Variants in IMPA2 observed in about 807,000 individuals in gnomAD.
IMPA2 encodes inositol monophosphatase 2.
Under a neutral mutation model 35.1 loss-of-function variants are expected in IMPA2, and 32 were observed. That is an observed-to-expected ratio of 0.91 (90% CI 0.69 to 1.23). The LOEUF (loss-of-function observed/expected upper bound fraction) is 1.23, where lower values mean the gene tolerates loss of function less well. Ranked by LOEUF, IMPA2 falls within the 50% of genes most tolerant of loss-of-function variation. The pLI, the probability that IMPA2 is intolerant of heterozygous loss-of-function variation, is 0.00. For missense variants in IMPA2, 334 were observed against 387.6 expected, an observed-to-expected ratio of 0.86 and a Z score of 1.16; for synonymous variants, 135 against 160.6, an observed-to-expected ratio of 0.84 and a Z score of 1.20.
chr18:11,998,078 G>A (rs897581299), intron 1 of IMPA2, among the ~76,000 whole-genome samples: 12 of 152,280 alleles, frequency 7.9e-5, no homozygotes, highest in African/African-American at 2.9e-4. Context: ...GAGGTGGGAG[G>A]ATCACTTGAG....
chr18:12,012,054 A>G (rs1386903240), intron 3 of IMPA2, 116 bp from the exon 4 acceptor site: 16 of 825,414 alleles, frequency 1.9e-5, no homozygotes, highest in Non-Finnish European at 3.2e-5. Flanking sequence ...TAAACAACCA[A>G]CCCACCCAGA....
intron 6 of IMPA2, chr18:12,028,422 A>G (rs556293591): frequency 4.0e-6 from 2 of 497,060 alleles, no homozygotes; most frequent in African/African-American, 1.9e-5. Flanking sequence ...GAATGGTGCA[A>G]ATACTTACAG....
chr18:12,026,798 G>C (rs1907892408), intron 5 of IMPA2, among the ~76,000 whole-genome samples: 1 of 152,212 alleles, frequency 6.6e-6, no homozygotes, highest in African/African-American at 2.4e-5. Context: ...GGCTCAGGTG[G>C]TATCTGTGGA....
chr18:12,008,223 T>C, intron 2 of IMPA2: 1 of 456,666 alleles, frequency 2.2e-6, no homozygotes, highest in Non-Finnish European at 4.4e-6. Context: ...CTCGAACTCC[T>C]GACCTCAGGT....
In IMPA2 at chr18:12,030,502, T is replaced by C. The variant is rs201928073; in HGVS notation, c.*44T>C. 2.4e-5 allele frequency: 37 copies of C among 1,515,772 alleles called. No individual in the cohort carries two copies. In the East Asian group the frequency reaches 7.9e-4, roughly 32 times the overall value. 93.9% of individuals were successfully genotyped at this position (1,515,772 alleles called of 1,614,324 possible). A position where few individuals can be genotyped will look rare whatever the true frequency, so the allele number is the denominator to read the frequency against. ...TGCTCCCAAGGCCTCCCTGGGCTGCTGTGGGCTCCTGGGGAGGTGGCCCTC... is the reference window on the plus strand; with the variant it reads ...TGCTCCCAAGGCCTCCCTGGGCTGCCGTGGGCTCCTGGGGAGGTGGCCCTC... On this transcript the variant is annotated 3_prime_UTR_variant, in exon 8 of 8. Coordinates refer to ENST00000269159, the MANE Select transcript of IMPA2 (RefSeq NM_014214.3).
chr18:12,021,380 C>A (rs1907724417), intron 5 of IMPA2, among the ~76,000 whole-genome samples: 1 of 148,376 alleles, frequency 6.7e-6, no homozygotes, highest in South Asian at 2.1e-4. Context: ...CAGAGCAAGA[C>A]CCTGTCTCAG....
At chr18:12,021,748 C>T (rs1197065235) in intron 5 of IMPA2, 1 of 152,198 alleles carries the variant, frequency 6.6e-6, no homozygotes, top group East Asian at 1.9e-4. Flanking sequence ...AAGTCCTGAC[C>T]TCAAAGCGAT....
intron 2 of IMPA2, 86 bp downstream of exon 2, chr18:11,999,273 G>C (rs1434807231): frequency 1.5e-6 from 2 of 1,355,240 alleles, no homozygotes; most frequent in Non-Finnish European, 2.0e-6. Flanking sequence ...AGGGGGCTCT[G>C]CTGTTTGTTG....
intron 2 of IMPA2, among the ~76,000 whole-genome samples, chr18:12,001,444 G>A (rs895457776): frequency 3.3e-5 from 5 of 152,084 alleles, no homozygotes; most frequent in Admixed American, 3.3e-4. Context: ...AAGGCTTGGA[G>A]GAGATGCAGG....
intron 5 of IMPA2, among the ~76,000 whole-genome samples, chr18:12,018,872 T>C (rs1389003161): frequency 6.6e-6 from 1 of 152,208 alleles, no homozygotes; most frequent in African/African-American, 2.4e-5. Flanking sequence ...TTGACCACAC[T>C]GGAGTGCAAT....
chr18:11,984,116 G>A (rs1430498140), intron 1 of IMPA2, among the ~76,000 whole-genome samples: 1 of 152,154 alleles, frequency 6.6e-6, no homozygotes, highest in African/African-American at 2.4e-5. Flanking sequence ...AGAGATAAAG[G>A]TGCACTGTCC....
Position 12,010,095 on chromosome 18 carries a change from C to A in IMPA2, c.335+108C>A, listed in dbSNP as rs538303354. On this transcript the variant is annotated intron_variant, in intron 3 of 7. Coordinates refer to ENST00000269159, the MANE Select transcript of IMPA2 (RefSeq NM_014214.3). This position sits in a 1 kb window ranked among gnomAD's most constrained non-coding sequence, Gnocchi z 4.8. ...TTTAAGGCAGGAATATATAAACAAA[C>A]CTATAGTACACTCATAGTCTCATCA... 2 of 732,304 alleles carry A rather than the reference C, an allele frequency of 2.7e-6. No individual in the cohort carries two copies. Among genetic ancestry groups the A allele is most frequent in the East Asian group, 5.1e-5 (2 of 39,016 alleles). The allele number at this position is 732,304 out of a possible 1,614,324, so 45.4% of individuals were successfully genotyped here. A position where few individuals can be genotyped will look rare whatever the true frequency, so the allele number is the denominator to read the frequency against.
At chr18:11,999,394 C>G (rs969757024) in intron 2 of IMPA2, among the ~76,000 whole-genome samples, 2 of 152,222 alleles carry the variant, frequency 1.3e-5, no homozygotes, top group African/African-American at 4.8e-5. Context: ...TCTTAACAAC[C>G]ATCACGTCAA....
intron 2 of IMPA2, among the ~76,000 whole-genome samples, chr18:12,007,673 T>TTCTTTCTTTCTTTCTTTCTTTCTC (rs1907311062): frequency 7.4e-6 from 1 of 134,672 alleles, no homozygotes; most frequent in Admixed American, 7.9e-5. Context: ...CTTTCTTTCT[T>TTCTTTCTTTCTTTCTTTCTTTCTC]TCTTTCCTTT....
intron 5 of IMPA2, among the ~76,000 whole-genome samples, chr18:12,026,225 G>T (rs938900764): frequency 6.6e-6 from 1 of 151,666 alleles, no homozygotes; most frequent in South Asian, 2.1e-4. Flanking sequence ...TAGAGATGGG[G>T]TTTCTCCATG....
chr18:12,020,172 C>CTTTATTTATTTA (rs538492835), intron 5 of IMPA2, among the ~76,000 whole-genome samples: 1,564 of 150,100 alleles, frequency 0.01, 24 homozygotes, highest in African/African-American at 0.037. Flanking sequence ...CACACTCGGC[C>CTTTATTTATTTA]TTTATTTATT....
chr18:11,983,207 C>T (rs1285770407), intron 1 of IMPA2, among the ~76,000 whole-genome samples: 2 of 152,190 alleles, frequency 1.3e-5, no homozygotes, highest in East Asian at 3.9e-4. Context: ...AACCTTCCTG[C>T]AAGGCAGATG....
intron 2 of IMPA2, among the ~76,000 whole-genome samples, chr18:12,002,096 G>A (rs1907130820): frequency 6.6e-6 from 1 of 152,158 alleles, no homozygotes; most frequent in Non-Finnish European, 1.5e-5. Context: ...TAAAAAGAAA[G>A]TAAATTTTGG....
intron 1 of IMPA2, among the ~76,000 whole-genome samples, chr18:11,988,741 T>C (rs1034941341): frequency 6.6e-6 from 1 of 152,206 alleles, no homozygotes; most frequent in Admixed American, 6.5e-5. Context: ...TTTGCCACTT[T>C]CCGAGATGGC....
Sources: gnomAD v4.1 joint callset for allele counts (sites outside exome capture counted in the v4.1 genomes callset) on GRCh38, gnomAD v4.1.1 for gene constraint, Gnocchi (gnomAD v3.1) non-coding constraint, MANE v1.5 for transcripts, NCBI Gene and HGNC (gene_info 2026-07-23, HGNC 2026-07-21) for gene names.